USP7: variants seen among roughly 807,000 people sequenced by gnomAD.
USP7 encodes the protein ubiquitin C-terminal hydrolase 7.
USP7 carries 9 observed loss-of-function variants against 162.9 expected under a neutral mutation model. The ratio of observed to expected loss-of-function variants is 0.06; its 90% CI spans 0.03 to 0.10. The LOEUF is 0.10. Ranked by LOEUF, USP7 falls within the 10% of genes least tolerant of loss-of-function variation. The pLI is 1.00. For synonymous variants in USP7, 562 were observed against 475.9 expected, an observed-to-expected ratio of 1.18 and a Z score of -2.35; for missense variants, 715 against 1,373.7, an observed-to-expected ratio of 0.52 and a Z score of 7.58.
intron 1 of USP7, among the ~76,000 whole-genome samples, chr16:8,947,185 C>CTA (rs1899323124): frequency 1.3e-5 from 2 of 152,074 alleles, no homozygotes; most frequent in African/African-American, 2.4e-5. Flanking sequence ...ATGAAGTCTT[C>CTA]TATTACAACA....
intron 8 of USP7, among the ~76,000 whole-genome samples, chr16:8,915,733 C>A (rs536407597): frequency 2.8e-4 from 43 of 152,290 alleles, no homozygotes; most frequent in African/African-American, 9.1e-4. Flanking sequence ...TTGAGGTTAA[C>A]CTTTTATACA....
chr16:8,937,639 C>A (rs1898825521), intron 1 of USP7, among the ~76,000 whole-genome samples: 2 of 152,044 alleles, frequency 1.3e-5, no homozygotes. Flanking sequence ...AAGGGCTGCA[C>A]CACTGCCATT....
At chr16:8,949,873 T>C (rs942667540) in intron 1 of USP7, among the ~76,000 whole-genome samples, 1 of 152,198 alleles carries the variant, frequency 6.6e-6, no homozygotes, top group African/African-American at 2.4e-5. Flanking sequence ...AAGAAGTTAT[T>C]ACATGAAAAT....
chr16:8,935,034 C>A (rs930378576), intron 1 of USP7, among the ~76,000 whole-genome samples: 1 of 152,182 alleles, frequency 6.6e-6, no homozygotes, highest in Non-Finnish European at 1.5e-5. Context: ...ATAGCCTAAA[C>A]GATAAGGCTG....
chr16:8,901,335 G>C, intron 18 of USP7, 101 bp from the exon 19 acceptor site: 1 of 737,284 alleles, frequency 1.4e-6, no homozygotes, highest in South Asian at 1.7e-5. Flanking sequence ...AAAAAAAACA[G>C]TAAGCTGAAT....
chr16:8,935,381 T>C (rs1472412342), intron 1 of USP7, among the ~76,000 whole-genome samples: 2 of 152,070 alleles, frequency 1.3e-5, no homozygotes, highest in African/African-American at 2.4e-5. Flanking sequence ...AGCTAATTTG[T>C]CTGTATTTTT....
chr16:8,904,303 C>A, intron 15 of USP7, 132 bp downstream of exon 15: 2 of 1,474,472 alleles, frequency 1.4e-6, no homozygotes, highest in South Asian at 1.3e-5. Context: ...CCTGCACTTG[C>A]GTACAGAGAT....
chr16:8,896,687 CT>C (rs1325868561), intron 26 of USP7, among the ~76,000 whole-genome samples: 1 of 152,118 alleles, frequency 6.6e-6, no homozygotes, highest in Admixed American at 6.5e-5. Flanking sequence ...GGAACTGCGC[CT>C]TTTTACTACA....
rs1899836079 is a variant in USP7, at chr16:8,956,924, G to A, written c.79+6283C>T. On this transcript the variant is annotated intron_variant, in intron 1 of 30. Coordinates refer to ENST00000344836, the MANE Select transcript of USP7 (RefSeq NM_003470.3). ...CAGCCCTTCTGGGCAGCACAACACA[G>A]ACAAGTCGACGCTATCTCTCAGGGT... Among the ~76,000 whole-genome samples, 3 of 152,070 alleles carry A rather than the reference G, an allele frequency of 2.0e-5. No homozygotes were observed. The South Asian group carries it at 6.2e-4, about 31-fold the overall frequency.
intron 1 of USP7, among the ~76,000 whole-genome samples, chr16:8,956,917 C>A (rs1394201806): frequency 6.6e-6 from 1 of 152,142 alleles, no homozygotes; most frequent in African/African-American, 2.4e-5. Context: ...CTGGGCAGCA[C>A]AACACAGACA....
chr16:8,928,675 T>A (rs796436296), intron 2 of USP7, among the ~76,000 whole-genome samples: 1 of 152,144 alleles, frequency 6.6e-6, no homozygotes, highest in South Asian at 2.1e-4. Context: ...GCAACCACAG[T>A]TCCAAACCAA....
At chr16:8,933,701 C>A (rs1343196283) in intron 1 of USP7, among the ~76,000 whole-genome samples, 1 of 151,974 alleles carries the variant, frequency 6.6e-6, no homozygotes, top group East Asian at 1.9e-4. Context: ...CCACCCCTCT[C>A]AGTCTCCCAA....
At chr16:8,948,825 G>A (rs143746915) in intron 1 of USP7, among the ~76,000 whole-genome samples, 160 of 152,286 alleles carry the variant, frequency 1.1e-3, no homozygotes, top group East Asian at 7.5e-3. Context: ...TTAGCCAGGC[G>A]TGGTGGCGTG....
chr16:8,934,629 T>C (rs1344326192), intron 1 of USP7, among the ~76,000 whole-genome samples: 2 of 152,222 alleles, frequency 1.3e-5, no homozygotes, highest in Non-Finnish European at 2.9e-5. Context: ...AGGTCTGCGG[T>C]TGCAGCAGAA....
intron 12 of USP7, among the ~76,000 whole-genome samples, 195 bp from the exon 13 acceptor site, chr16:8,906,777 C>A (rs1445491889): frequency 6.6e-6 from 1 of 152,106 alleles, no homozygotes; most frequent in Non-Finnish European, 1.5e-5. Context: ...CATAAATATA[C>A]ACTATGAATA....
At chr16:8,952,411 A>G (rs1489946845) in intron 1 of USP7, among the ~76,000 whole-genome samples, 3 of 152,236 alleles carry the variant, frequency 2.0e-5, no homozygotes, top group Non-Finnish European at 2.9e-5. Flanking sequence ...TCTGAAGGTC[A>G]GAAGTCTGAA....
chr16:8,898,436 A>G lies in USP7; in HGVS notation c.2642T>C (p.Leu881Pro). Residue 881 changes from leucine (L) to proline (P), a missense_variant and splice_region_variant, in exon 25 of 31, where the codon CTT (leucine) becomes CCT (proline). Physicochemically the swap from Leu to Pro is moderately conservative, Grantham distance 98. Coordinates refer to ENST00000344836, the MANE Select transcript of USP7 (RefSeq NM_003470.3). ...RQPKKLYYQQ[L>P]KMKITDFENR... ...CTCAAAGTCTGTGATTTTCATCTTA[A>G]GCTATTAAGAAAAGAAAGATTCACA... is the stretch of plus-strand genomic sequence containing the variant. The G allele has an allele frequency of 6.2e-7, 1 of 1,612,998 alleles. No individual in the cohort carries two copies. Among genetic ancestry groups the G allele is most frequent in the Non-Finnish European group, 8.5e-7 (1 of 1,179,742 alleles).
rs1474565794 is a variant in USP7 at position 8,916,453 on chromosome 16, C to T, written c.906+49G>A. ...TACTTGGTAATAACTTCTGACCATGCTTCAAAATATTCATTGTAAGAAATA... is the reference window on the plus strand; with the variant it reads ...TACTTGGTAATAACTTCTGACCATGTTTCAAAATATTCATTGTAAGAAATA... On this transcript the variant is annotated intron_variant, in intron 8 of 30. Transcript: ENST00000344836. 2.6e-6 allele frequency: 4 copies of T among 1,568,046 alleles called. No individual in the cohort carries two copies. The African/African-American group carries it at 4.1e-5, about 16-fold the overall frequency.
In USP7 at chr16:8,916,467, T is replaced by C. The variant is rs374841349; in HGVS notation, c.906+35A>G. On this transcript the variant is annotated intron_variant, in intron 8 of 30. Coordinates refer to ENST00000344836, the MANE Select transcript of USP7 (RefSeq NM_003470.3). ...TTCTGACCATGCTTCAAAATATTCA[T>C]TGTAAGAAATATACAAGTATTGCTT... 40 of 1,588,196 alleles carry C rather than the reference T, an allele frequency of 2.5e-5. No homozygotes were observed. The African/African-American group carries it at 4.8e-4, about 19-fold the overall frequency.
Sources: allele counts gnomAD v4.1 joint callset (sites outside exome capture counted in the v4.1 genomes callset), GRCh38; gene constraint gnomAD v4.1.1; transcripts MANE v1.5; gene names NCBI Gene and HGNC (gene_info 2026-07-23, HGNC 2026-07-21).